Variants in FARS2 observed in about 807,000 individuals in gnomAD.
FARS2 encodes the protein phenylalanyl-tRNA synthetase 2, mitochondrial.
FARS2 carries 40 observed loss-of-function variants against 46.4 expected under a neutral mutation model. The observed-to-expected ratio is 0.86, with a 90% CI of 0.67 to 1.12. The LOEUF (loss-of-function observed/expected upper bound fraction) is 1.12. FARS2 is among the 50% of genes most tolerant of loss of function. The probability of loss-of-function intolerance (pLI) is 0.00; values close to 1 mark genes in which losing one functional copy is unlikely to be tolerated. For missense variants in FARS2, 513 were observed against 567.9 expected (o/e 0.90, Z 0.98); for synonymous variants, 234 against 214.9 (o/e 1.09, Z -0.78).
intron 2 of FARS2, among the ~76,000 whole-genome samples, chr6:5,379,064 C>T (rs1561997217): frequency 6.6e-6 from 1 of 152,206 alleles, no homozygotes; most frequent in Non-Finnish European, 1.5e-5. Context: ...TTGCCCATGA[C>T]CCTTACTGGG....
Position 5,262,081 on chromosome 6 carries a change from G to A in FARS2, c.-22+421G>A, listed in dbSNP as rs924177884. 7.2e-5 allele frequency among the ~76,000 whole-genome samples: 11 copies of A among 152,250 alleles called. No individual in the cohort carries two copies. The East Asian group carries it at 2.1e-3, about 29-fold the overall frequency. On this transcript the variant is annotated intron_variant, in intron 1 of 6. Coordinates refer to ENST00000274680, the MANE Select transcript of FARS2 (RefSeq NM_006567.5). Reference sequence around the variant, plus strand: ...TCTTGCTTTATGTAATCAACCTTAGGAAGAACCACACCTTTCTGCACTCAA... The same window carrying A: ...TCTTGCTTTATGTAATCAACCTTAGAAAGAACCACACCTTTCTGCACTCAA...
intron 6 of FARS2, among the ~76,000 whole-genome samples, chr6:5,668,688 T>G (rs1778276183): frequency 3.7e-4 from 2 of 5,338 alleles, no homozygotes; most frequent in Admixed American, 1.8e-3. Flanking sequence ...GTGTTTGGGT[T>G]TTTTTTTTTT....
intron 6 of FARS2, among the ~76,000 whole-genome samples, chr6:5,618,537 G>T (rs959141294): frequency 3.3e-5 from 5 of 152,234 alleles, no homozygotes; most frequent in African/African-American, 1.2e-4. Flanking sequence ...AACAAAAACA[G>T]ATCCCAAGAT....
At chr6:5,390,772 G>A (rs1483577252) in intron 2 of FARS2, among the ~76,000 whole-genome samples, 2 of 152,166 alleles carry the variant, frequency 1.3e-5, no homozygotes, top group African/African-American at 4.8e-5. Flanking sequence ...GCTGCCCCAG[G>A]TATGGCCCCT....
At chr6:5,290,704 G>A (rs1767442299) in intron 1 of FARS2, among the ~76,000 whole-genome samples, 1 of 152,156 alleles carries the variant, frequency 6.6e-6, no homozygotes, top group African/African-American at 2.4e-5. Flanking sequence ...ATTCTAGAAT[G>A]GCAGCACTGT....
chr6:5,556,186 T>C (rs1771646281), intron 5 of FARS2, among the ~76,000 whole-genome samples: 1 of 152,116 alleles, frequency 6.6e-6, no homozygotes, highest in African/African-American at 2.4e-5. Context: ...CTTAATACTT[T>C]AATCCTAGTT....
At chr6:5,493,083 C>T (rs562565353) in intron 4 of FARS2, among the ~76,000 whole-genome samples, 84 of 151,982 alleles carry the variant, frequency 5.5e-4, no homozygotes, top group African/African-American at 1.9e-3. Flanking sequence ...TTGGCCGGTG[C>T]CTGTAATCCC....
intron 4 of FARS2, among the ~76,000 whole-genome samples, chr6:5,543,779 C>G (rs1332935183): frequency 6.6e-6 from 1 of 152,148 alleles, no homozygotes; most frequent in Admixed American, 6.5e-5. Flanking sequence ...TCAGCCTTCC[C>G]GTGCTGCATC....
At chr6:5,327,870 G>A (rs1176746888) in intron 1 of FARS2, among the ~76,000 whole-genome samples, 1 of 152,146 alleles carries the variant, frequency 6.6e-6, no homozygotes, top group African/African-American at 2.4e-5. Flanking sequence ...AACCCTCTCT[G>A]CCACTGACCC....
upstream of FARS2, chr6:5,261,282 C>G (rs1346771218): frequency 6.5e-6 from 1 of 152,880 alleles, no homozygotes; most frequent in African/African-American, 2.4e-5. Flanking sequence ...ACGCCCCGCC[C>G]CTGACCGCCG....
chr6:5,610,282 G>T, intron 5 of FARS2: 5 of 397,372 alleles, frequency 1.3e-5, no homozygotes, highest in Non-Finnish European at 1.4e-5. Flanking sequence ...AATCGTATCT[G>T]TAGTTTTGAT....
intron 2 of FARS2, among the ~76,000 whole-genome samples, chr6:5,390,626 G>A (rs924400240): frequency 7.2e-5 from 11 of 152,144 alleles, no homozygotes; most frequent in African/African-American, 2.7e-4. Context: ...GTGTATATAA[G>A]GAACATTTAT....
chr6:5,652,118 G>A (rs77848476), intron 6 of FARS2, among the ~76,000 whole-genome samples: 6,530 of 152,270 alleles, frequency 0.043, 314 homozygotes, highest in African/African-American at 0.11. Flanking sequence ...GCATGGGCAG[G>A]AGATGTGAGG....
chr6:5,371,417 A>G (rs9392079), intron 2 of FARS2, among the ~76,000 whole-genome samples: 33,714 of 152,070 alleles, frequency 0.22, 4,613 homozygotes, highest in East Asian at 0.29. Context: ...TTTCATCACT[A>G]TAACGTGTAT....
At chr6:5,368,010 G>T (rs1758788550) in intron 1 of FARS2, among the ~76,000 whole-genome samples, 1 of 152,144 alleles carries the variant, frequency 6.6e-6, no homozygotes, top group Non-Finnish European at 1.5e-5. Flanking sequence ...CAGAAGTTAT[G>T]CTATGTCAAA....
chr6:5,381,159 C>G (rs1759747102), intron 2 of FARS2, among the ~76,000 whole-genome samples: 1 of 151,830 alleles, frequency 6.6e-6, no homozygotes, highest in African/African-American at 2.4e-5. Context: ...CGCCACCACA[C>G]CCGGCTAATT....
chr6:5,449,685 T>C (rs73352457), intron 4 of FARS2, among the ~76,000 whole-genome samples: 2,435 of 152,290 alleles, frequency 0.016, 62 homozygotes, highest in African/African-American at 0.055. Context: ...TTTTAGGTTT[T>C]GGATTTTGTG....
At chr6:5,294,813 T>C (rs1422121982) in intron 1 of FARS2, among the ~76,000 whole-genome samples, 1 of 152,130 alleles carries the variant, frequency 6.6e-6, no homozygotes, top group East Asian at 1.9e-4. Context: ...TGTTCAGCTA[T>C]CAGGAAGCTC....
intron 6 of FARS2, among the ~76,000 whole-genome samples, chr6:5,684,340 C>T (rs1779189149): frequency 6.6e-6 from 1 of 152,166 alleles, no homozygotes; most frequent in Non-Finnish European, 1.5e-5. Flanking sequence ...CAGCCCTGCG[C>T]ACTAGTATGC....
Sources: allele counts gnomAD v4.1 joint callset (sites outside exome capture counted in the v4.1 genomes callset), GRCh38; gene constraint gnomAD v4.1.1; transcripts MANE v1.5; gene names NCBI Gene and HGNC (gene_info 2026-07-23, HGNC 2026-07-21).